Variants in PPP2R3A observed in about 807,000 individuals in gnomAD.
The protein encoded by PPP2R3A is protein phosphatase 2 regulatory subunit B''alpha.
Under a neutral mutation model 106.9 loss-of-function variants are expected in PPP2R3A, and 80 were observed. That is an observed-to-expected ratio of 0.75 (90% CI 0.62 to 0.90). The LOEUF is 0.90. PPP2R3A is among the 40% of genes least tolerant of loss of function. The probability of loss-of-function intolerance (pLI) is 0.00; values close to 1 mark genes in which losing one functional copy is unlikely to be tolerated. For synonymous variants in PPP2R3A, 483 were observed against 468.3 expected (o/e 1.03, Z -0.41); for missense variants, 1,386 against 1,350.4 (o/e 1.03, Z -0.41).
Position 136,140,442 on chromosome 3 carries a change from TAAAAA to T in PPP2R3A, c.3330-4583_3330-4579del, listed in dbSNP as rs199699500. Among the ~76,000 whole-genome samples the T allele has an allele frequency of 2.1e-3, 185 of 87,238 alleles. 4 individuals carry two copies. Among genetic ancestry groups the T allele is most frequent in the African/African-American group, 7.6e-3 (157 of 20,756 alleles). 57.2% of individuals were successfully genotyped at this position (87,238 alleles called of 152,430 possible). A position where few individuals can be genotyped will look rare whatever the true frequency, so the allele number is the denominator to read the frequency against. ...GCCTGGGTGACAGAGTGAGACTCTT[TAAAAA>T]AAAAAAAAAAAAAAAAACCCGGGCT... On this transcript the variant is annotated intron_variant, in intron 13 of 13. Transcript: ENST00000264977.
At chr3:136,108,462 G>A (rs1384565332) in intron 13 of PPP2R3A, among the ~76,000 whole-genome samples, 1 of 152,106 alleles carries the variant, frequency 6.6e-6, no homozygotes, top group African/African-American at 2.4e-5. Flanking sequence ...AGAAAATTAG[G>A]TATAGGTAAG....
intron 11 of PPP2R3A, 121 bp downstream of exon 11, chr3:136,102,303 GA>G (rs1242458063): frequency 1.1e-6 from 1 of 874,422 alleles, no homozygotes; most frequent in African/African-American, 1.8e-5. Flanking sequence ...TCCTAGGACA[GA>G]AGTGTTTAAA....
chr3:136,003,969 G>T (rs1559863762), intron 2 of PPP2R3A, among the ~76,000 whole-genome samples: 2 of 152,146 alleles, frequency 1.3e-5, no homozygotes, highest in Admixed American at 6.6e-5. Context: ...AAGGAGAGAA[G>T]ACATGATTCT....
At chr3:135,980,194 C>A (rs1208319472) in intron 1 of PPP2R3A, among the ~76,000 whole-genome samples, 1 of 151,736 alleles carries the variant, frequency 6.6e-6, no homozygotes, top group Non-Finnish European at 1.5e-5. Flanking sequence ...AATTCAAAGT[C>A]CCCAGGACAG....
At chr3:135,988,660 C>A (rs190873851) in intron 1 of PPP2R3A, among the ~76,000 whole-genome samples, 1 of 152,240 alleles carries the variant, frequency 6.6e-6, no homozygotes, top group Non-Finnish European at 1.5e-5. Context: ...ACCTTTATAT[C>A]TGGTGTTCCT....
At chr3:136,125,637 A>T (rs1938151502) in intron 13 of PPP2R3A, among the ~76,000 whole-genome samples, 1 of 152,100 alleles carries the variant, frequency 6.6e-6, no homozygotes, top group Non-Finnish European at 1.5e-5. Flanking sequence ...GCTTGAGCCC[A>T]GGAGTTTGAG....
chr3:136,134,323 C>T (rs1180234285), intron 13 of PPP2R3A, among the ~76,000 whole-genome samples: 1 of 152,104 alleles, frequency 6.6e-6, no homozygotes, highest in Non-Finnish European at 1.5e-5. Flanking sequence ...TGAATTTATG[C>T]CCTTTGACTC....
intron 2 of PPP2R3A, among the ~76,000 whole-genome samples, chr3:136,010,588 G>A (rs1042929061): frequency 5.3e-5 from 8 of 151,932 alleles, no homozygotes; most frequent in South Asian, 2.1e-4. Context: ...CACTACGCCC[G>A]GCTAATTTTT....
chr3:136,050,068 A>T (rs1285213399), intron 5 of PPP2R3A, among the ~76,000 whole-genome samples: 2 of 152,188 alleles, frequency 1.3e-5, no homozygotes, highest in African/African-American at 4.8e-5. Context: ...GGATAATGGC[A>T]GTAGTCCCAA....
At chr3:136,047,224 C>G (rs758309314) in intron 4 of PPP2R3A, among the ~76,000 whole-genome samples, 3 of 152,182 alleles carry the variant, frequency 2.0e-5, no homozygotes, top group Non-Finnish European at 2.9e-5. Context: ...TGGCTGAACT[C>G]CATGGAGCAG....
Position 136,145,163 on chromosome 3 carries a change from A to C in PPP2R3A, c.3450A>C (p.Glu1150Asp), listed in dbSNP as rs1039148108. The change falls in exon 14 of 14, where the codon GAA becomes GAC. Residue 1150 changes from glutamate to aspartate, a missense_variant. Physicochemically the swap from Glu to Asp is conservative, Grantham distance 45. Transcript: ENST00000264977. ...KCGKLQSVDE[E>D] ...GAAAGCTTCAATCAGTGGATGAAGA[A>C]TAGCTGCCGGTGTCTACAATGAAAC... 1 of 1,608,734 alleles carries C rather than the reference A, an allele frequency of 6.2e-7. No homozygotes were observed. Among genetic ancestry groups the C allele is most frequent in the South Asian group, 1.1e-5 (1 of 89,738 alleles).
intron 13 of PPP2R3A, among the ~76,000 whole-genome samples, chr3:136,117,811 G>T (rs530201791): frequency 1.3e-5 from 2 of 152,250 alleles, no homozygotes; most frequent in South Asian, 2.1e-4. Flanking sequence ...AGAGGAGCTG[G>T]TACCGTTCCT....
rs1451135867 is a variant in PPP2R3A, at chr3:136,003,500, C to G, written c.1995+7C>G. Reference sequence around the variant, plus strand: ...GACTCCAGAGGTGATCAAGGTAAGACCCAACAATTTTGAGTCCTAGGAACT... The same window carrying G: ...GACTCCAGAGGTGATCAAGGTAAGAGCCAACAATTTTGAGTCCTAGGAACT... On this transcript the variant is annotated splice_region_variant and intron_variant, in intron 2 of 13. Coordinates refer to ENST00000264977, the MANE Select transcript of PPP2R3A (RefSeq NM_002718.5). 7.1e-6 allele frequency: 11 copies of G among 1,559,878 alleles called. No homozygotes were observed. The highest frequency in any genetic ancestry group is 9.5e-6 in the Non-Finnish European group (11 of 1,156,368).
intron 1 of PPP2R3A, among the ~76,000 whole-genome samples, chr3:135,989,890 A>G (rs1006526681): frequency 1.3e-5 from 2 of 152,156 alleles, no homozygotes; most frequent in African/African-American, 2.4e-5. Context: ...TATATGCACA[A>G]AAATCTCCAT....
rs748461075 is a variant in PPP2R3A, at chr3:136,001,822, C to T, written c.324C>T (p.Asn108=). ...GATCTACATTTCAGAATACCTACAA[C>T]TTAAAGGATATTGCAGGAGAAGCAA... is the stretch of plus-strand genomic sequence containing the variant. ...KRGSTFQNTY[N]LKDIAGEAIS... Residue 108 remains asparagine (N), a synonymous_variant, in exon 2 of 14, where the codon AAC becomes AAT. Transcript: ENST00000264977. 6.2e-7 allele frequency: 1 copy of T among 1,614,100 alleles called. No individual in the cohort carries two copies. The highest frequency in any genetic ancestry group is 1.1e-5 in the South Asian group (1 of 91,082).
chr3:136,103,821 T>C (rs768048551), intron 12 of PPP2R3A, among the ~76,000 whole-genome samples: 1 of 152,202 alleles, frequency 6.6e-6, no homozygotes, highest in Non-Finnish European at 1.5e-5. Context: ...TAGAAAACCT[T>C]CAAATAATAT....
rs1939071827 is a variant in PPP2R3A, at chr3:136,145,232, C to G, written c.*66C>G. 7 of 1,532,284 alleles carry G rather than the reference C, an allele frequency of 4.6e-6. No individual in the cohort carries two copies. In the East Asian group the frequency reaches 6.9e-5, roughly 15 times the overall value. 94.9% of individuals were successfully genotyped at this position (1,532,284 alleles called of 1,614,324 possible). A position where few individuals can be genotyped will look rare whatever the true frequency, so the allele number is the denominator to read the frequency against. On this transcript the variant is annotated 3_prime_UTR_variant, in exon 14 of 14. Coordinates refer to ENST00000264977, the MANE Select transcript of PPP2R3A (RefSeq NM_002718.5). ...TGTTTCTTTCTTGTGAAGAGATGTT[C>G]TCGTTTGCATACTGCTTTTTAAAGA...
chr3:136,090,211 A>G (rs537530268), intron 9 of PPP2R3A, among the ~76,000 whole-genome samples: 1 of 152,244 alleles, frequency 6.6e-6, no homozygotes, highest in Admixed American at 6.5e-5. Flanking sequence ...GCTTTTGTCC[A>G]TTCAGTATAA....
rs556638158 is a variant in PPP2R3A at position 136,144,691 on chromosome 3, G to A, written c.3330-352G>A. On this transcript the variant is annotated intron_variant, in intron 13 of 13. Transcript: ENST00000264977. Reference sequence around the variant, plus strand: ...AAAAAAAGGTTTGCCACTCTGAGTGGAAACCACTTTTAATAAGGTCAAGTA... The same window carrying A: ...AAAAAAAGGTTTGCCACTCTGAGTGAAAACCACTTTTAATAAGGTCAAGTA... 7.1e-4 allele frequency among the ~76,000 whole-genome samples: 108 copies of A among 152,084 alleles called. 1 individual carries two copies. The highest frequency in any genetic ancestry group is 1.0e-3 in the Non-Finnish European group (71 of 68,014).
Sources: gnomAD v4.1 joint callset for allele counts (sites outside exome capture counted in the v4.1 genomes callset) on GRCh38, gnomAD v4.1.1 for gene constraint, MANE v1.5 for transcripts, NCBI Gene and HGNC (gene_info 2026-07-23, HGNC 2026-07-21) for gene names.